Variants in BDNF observed in about 807,000 individuals in gnomAD.
BDNF encodes the protein brain derived neurotrophic factor, also known as neurotrophic factor BDNF precursor form.
A neutral mutation model predicts 19.5 loss-of-function variants in BDNF; 1 was observed. That is an observed-to-expected ratio of 0.05 (90% confidence interval 0.02 to 0.24). The LOEUF is 0.24. BDNF is among the 10% of genes least tolerant of loss of function. The pLI is 1.00. For synonymous variants in BDNF, 100 were observed against 121.6 expected, an observed-to-expected ratio of 0.82 and a Z score of 1.17; for missense variants, 195 against 317.6, an observed-to-expected ratio of 0.61 and a Z score of 2.93.
chr11:27,670,384 G>C (rs924400163), intron 1 of BDNF, among the ~76,000 whole-genome samples: 31 of 152,248 alleles, frequency 2.0e-4, no homozygotes, highest in African/African-American at 5.5e-4. Flanking sequence ...AAAAGCAATG[G>C]CAACAAAAGC....
At chr11:27,719,597 A>G in intron 1 of BDNF, 2 of 985,090 alleles carry the variant, frequency 2.0e-6, no homozygotes, top group Non-Finnish European at 2.4e-6. Context: ...GGAACCCTCT[A>G]AGCCAGCGCC....
At chr11:27,677,081 CTGA>C (rs1856230444) in intron 1 of BDNF, 1 of 152,236 alleles carries the variant, frequency 6.6e-6, no homozygotes, top group African/African-American at 2.4e-5. Context: ...TGGAACTAAT[CTGA>C]TACCTGCACC....
At chr11:27,720,674 T>G (rs1860713752) in intron 1 of BDNF, 1 of 985,466 alleles carries the variant, frequency 1.0e-6, no homozygotes, top group Non-Finnish European at 1.2e-6. Context: ...GACAAATCCG[T>G]TGGCTCTGTC....
At chr11:27,678,171 G>A (rs1856421922) in intron 1 of BDNF, among the ~76,000 whole-genome samples, 4 of 152,152 alleles carry the variant, frequency 2.6e-5, no homozygotes, top group Admixed American at 2.6e-4. Flanking sequence ...CCTTACCACT[G>A]TAATATGATG....
intron 1 of BDNF, among the ~76,000 whole-genome samples, chr11:27,718,750 G>T (rs1860628403): frequency 1.3e-5 from 2 of 151,964 alleles, no homozygotes; most frequent in Admixed American, 1.3e-4. Flanking sequence ...TTTTCCTTCT[G>T]AATTTCCACA....
chr11:27,665,788 G>A (rs923937830), intron 1 of BDNF, among the ~76,000 whole-genome samples: 4 of 152,174 alleles, frequency 2.6e-5, no homozygotes, highest in Admixed American at 1.3e-4. Context: ...AATGGGTGGA[G>A]CCCACCGCAG....
chr11:27,697,364 C>G (rs1186212110), intron 1 of BDNF: 1 of 152,188 alleles, frequency 6.6e-6, no homozygotes, highest in East Asian at 1.9e-4. Context: ...AGCTGGGACT[C>G]TTAAAGATTC....
intron 1 of BDNF, chr11:27,719,571 T>C (rs192499550): frequency 2.0e-6 from 2 of 984,742 alleles, no homozygotes; most frequent in African/African-American, 3.5e-5. Context: ...GCAGCTCCCC[T>C]TCCCTTGAGA....
chr11:27,673,505 A>G (rs187397751), intron 1 of BDNF, among the ~76,000 whole-genome samples: 126 of 152,324 alleles, frequency 8.3e-4, no homozygotes, highest in African/African-American at 2.6e-3. Context: ...GGTCACTTTC[A>G]GAGTATTGCT....
chr11:27,656,262 A>T lies in BDNF; in HGVS notation c.*1559T>A, dbSNP rs1240577760. The stretch of plus-strand genomic sequence containing the variant: ...TCTTCTATCTCATTGCATCAATCTC[A>T]TGATCACAAATGCCACATTTGGCTC... On this transcript the variant is annotated 3_prime_UTR_variant, in exon 2 of 2. Coordinates refer to ENST00000356660, the MANE Select transcript of BDNF (RefSeq NM_001709.5). The T allele has an allele frequency of 1.3e-5, 2 of 152,260 alleles. No homozygotes were observed. Among genetic ancestry groups the T allele is most frequent in the Non-Finnish European group, 2.9e-5 (2 of 68,130 alleles). The allele number at this position is 152,260 out of a possible 1,614,324, so 9.4% of individuals were successfully genotyped here.
At chr11:27,700,081 T>C (rs1430309969) in intron 1 of BDNF, 83 bp downstream of exon 1, 2 of 977,814 alleles carry the variant, frequency 2.0e-6, no homozygotes, top group African/African-American at 1.8e-5. Flanking sequence ...GTCCCACAAC[T>C]TTGGGGTGGG....
intron 1 of BDNF, among the ~76,000 whole-genome samples, chr11:27,661,880 T>C (rs913144069): frequency 1.3e-5 from 2 of 152,238 alleles, no homozygotes; most frequent in Non-Finnish European, 2.9e-5. Context: ...TTATCCTTCA[T>C]GATCCAGTTC....
rs1224958350 is a variant in BDNF at position 27,656,504 on chromosome 11, A to G, written c.*1317T>C. 4.1e-6 allele frequency: 4 copies of G among 977,772 alleles called. No homozygotes were observed. The highest frequency in any genetic ancestry group is 4.9e-6 in the Non-Finnish European group (4 of 822,832). The allele number at this position is 977,772 out of a possible 1,614,324, so 60.6% of individuals were successfully genotyped here. On this transcript the variant is annotated 3_prime_UTR_variant, in exon 2 of 2. Transcript: ENST00000356660. ...GAGGCCTTCGTTTTGGAATGTCTCA[A>G]ATACCATGCCCCACCTCCACCTAGA...
intron 1 of BDNF, among the ~76,000 whole-genome samples, chr11:27,707,766 G>A (rs1053703921): frequency 2.6e-5 from 4 of 152,110 alleles, no homozygotes; most frequent in Non-Finnish European, 4.4e-5. Context: ...TTTTTGTTTG[G>A]TTGGTTGTCA....
intron 1 of BDNF, among the ~76,000 whole-genome samples, chr11:27,688,394 C>A (rs1857780081): frequency 6.6e-6 from 1 of 152,206 alleles, no homozygotes; most frequent in Admixed American, 6.5e-5. Flanking sequence ...GCCTGGCCTT[C>A]AGCCCCTTTC....
intron 1 of BDNF, chr11:27,659,048 G>A (rs1852965989): frequency 9.6e-7 from 1 of 1,045,830 alleles, no homozygotes; most frequent in Non-Finnish European, 1.2e-6. Context: ...GAACAGCAGT[G>A]GCCTGAGGGG....
chr11:27,696,966 A>T (rs964812012), intron 1 of BDNF, among the ~76,000 whole-genome samples: 10 of 152,162 alleles, frequency 6.6e-5, no homozygotes, highest in Non-Finnish European at 1.3e-4. Flanking sequence ...GTACTCCGGG[A>T]TTAATTTCCT....
intron 1 of BDNF, among the ~76,000 whole-genome samples, chr11:27,709,888 G>T (rs1006170972): frequency 6.6e-6 from 1 of 152,162 alleles, no homozygotes; most frequent in African/African-American, 2.4e-5. Flanking sequence ...AATGCATGAA[G>T]GGAATCAGTG....
intron 1 of BDNF, among the ~76,000 whole-genome samples, chr11:27,718,346 C>T (rs1376744091): frequency 7.1e-6 from 1 of 140,670 alleles, no homozygotes; most frequent in African/African-American, 2.5e-5. Context: ...TTCCCCGTTC[C>T]GCACACCACC....
Sources: gnomAD v4.1 joint callset for allele counts (sites outside exome capture counted in the v4.1 genomes callset) on GRCh38, gnomAD v4.1.1 for gene constraint, MANE v1.5 for transcripts, NCBI Gene and HGNC (gene_info 2026-07-23, HGNC 2026-07-21) for gene names.